ST6GAL2: variants seen among roughly 807,000 people sequenced by gnomAD.
ST6GAL2 encodes the protein beta-galactoside alpha-2,6-sialyltransferase 2.
A neutral mutation model predicts 37.5 loss-of-function variants in ST6GAL2; 24 were observed. The observed-to-expected ratio is 0.64, with a 90% CI of 0.46 to 0.90. ST6GAL2 has a LOEUF of 0.90. Ranked by LOEUF, ST6GAL2 falls within the 40% of genes least tolerant of loss-of-function variation. The pLI is 0.00. For synonymous variants in ST6GAL2, 306 were observed against 295.1 expected, an observed-to-expected ratio of 1.04 and a Z score of -0.38; for missense variants, 715 against 712.7, an observed-to-expected ratio of 1.00 and a Z score of -0.04.
At chr2:106,812,417 A>G (rs1403185375) in intron 5 of ST6GAL2, among the ~76,000 whole-genome samples, 1 of 152,206 alleles carries the variant, frequency 6.6e-6, no homozygotes, top group African/African-American at 2.4e-5. Flanking sequence ...CAGTGTTTCT[A>G]TTTGAAACTG....
chr2:106,872,507 C>CT (rs1678312648), intron 1 of ST6GAL2, among the ~76,000 whole-genome samples: 1 of 152,214 alleles, frequency 6.6e-6, no homozygotes, highest in Non-Finnish European at 1.5e-5. Flanking sequence ...TTAGGCTCTT[C>CT]TTTCCTCACT....
At chr2:106,844,590 C>T (rs1166774024) in intron 1 of ST6GAL2, among the ~76,000 whole-genome samples, 4 of 152,120 alleles carry the variant, frequency 2.6e-5, no homozygotes, top group Non-Finnish European at 5.9e-5. Flanking sequence ...TAGAACATAC[C>T]AGAAGTCCAC....
At chr2:106,886,853 T>C (rs1341178877), upstream of ST6GAL2, 3 of 151,982 alleles carry the variant, frequency 2.0e-5, no homozygotes, top group East Asian at 5.9e-4. Flanking sequence ...GATTTCTGCT[T>C]GTCGCGGAGA....
At chr2:106,811,675 T>G (rs1157151447) in intron 5 of ST6GAL2, among the ~76,000 whole-genome samples, 1 of 152,168 alleles carries the variant, frequency 6.6e-6, no homozygotes, top group Admixed American at 6.5e-5. Context: ...AGATCTCTTC[T>G]GCAATGCCCC....
rs1360069898 is a variant in ST6GAL2 at position 106,851,150 on chromosome 2, A to C, written c.-57-7116T>G. Among the ~76,000 whole-genome samples, 3 of 152,244 alleles carry C rather than the reference A, an allele frequency of 2.0e-5. No homozygotes were observed. In the East Asian group the frequency reaches 5.8e-4, roughly 29 times the overall value. ...TGGCAATGCAAAGGTCTGAATTCCC[A>C]GTGGATGTTCTCTGCCTATTTGGAC... On this transcript the variant is annotated intron_variant, in intron 1 of 5. Transcript: ENST00000409382.
Position 106,801,954 on chromosome 2 carries a change from T to G in ST6GAL2, c.*4724A>C, listed in dbSNP as rs1182813279. 1 of 152,118 alleles carries G rather than the reference T, an allele frequency of 6.6e-6. No homozygotes were observed. Among genetic ancestry groups the G allele is most frequent in the Non-Finnish European group, 1.5e-5 (1 of 68,020 alleles). 9.4% of individuals were successfully genotyped at this position (152,118 alleles called of 1,614,324 possible). On this transcript the variant is annotated 3_prime_UTR_variant, in exon 6 of 6. Coordinates refer to ENST00000409382, the MANE Select transcript of ST6GAL2 (RefSeq NM_001142351.2). ...CCAATCTACCTAGCAAGAAGACTAT[T>G]TTCCATAGAACCAGTAAATGTTTCT...
intron 5 of ST6GAL2, among the ~76,000 whole-genome samples, chr2:106,815,054 C>G (rs754224035): frequency 3.9e-5 from 6 of 152,148 alleles, no homozygotes; most frequent in Non-Finnish European, 5.9e-5. Context: ...AATACATGTG[C>G]AGTCCAATAA....
chr2:106,805,678 T>C lies in ST6GAL2; in HGVS notation c.*1000A>G, dbSNP rs1384431041. On this transcript the variant is annotated 3_prime_UTR_variant, in exon 6 of 6. Coordinates refer to ENST00000409382, the MANE Select transcript of ST6GAL2 (RefSeq NM_001142351.2). ...GATAAAAACCTGCAAGAAACCTGTATAATAAAGACAGGCGTGCATCCCTAG... is the reference window on the plus strand; with the variant it reads ...GATAAAAACCTGCAAGAAACCTGTACAATAAAGACAGGCGTGCATCCCTAG... 1 of 152,200 alleles carries C rather than the reference T, an allele frequency of 6.6e-6. No homozygotes were observed. Among genetic ancestry groups the C allele is most frequent in the African/African-American group, 2.4e-5 (1 of 41,446 alleles). The allele number at this position is 152,200 out of a possible 1,614,324, so 9.4% of individuals were successfully genotyped here.
At chr2:106,837,147 G>A (rs993504017) in intron 2 of ST6GAL2, among the ~76,000 whole-genome samples, 1 of 152,094 alleles carries the variant, frequency 6.6e-6, no homozygotes, top group Non-Finnish European at 1.5e-5. Flanking sequence ...AAATATCCAA[G>A]TCTGAATAAT....
intron 5 of ST6GAL2, among the ~76,000 whole-genome samples, chr2:106,821,462 T>C (rs1044591328): frequency 2.6e-5 from 4 of 151,568 alleles, no homozygotes; most frequent in Non-Finnish European, 4.4e-5. Flanking sequence ...TCTAGTAAGA[T>C]TGAGTTATAA....
chr2:106,807,631 C>T (rs13009516), intron 5 of ST6GAL2, among the ~76,000 whole-genome samples: 6 of 139,034 alleles, frequency 4.3e-5, no homozygotes, highest in East Asian at 2.1e-4. Context: ...ACATTTTATT[C>T]TTTTTTTTTT....
chr2:106,828,123 G>A lies in ST6GAL2; in HGVS notation c.1318+1943C>T, dbSNP rs370914832. ...CTTTTAACAAAAACAACATAGGAAA[G>A]TACTTTTTTTCAGTTATGACTATCT... On this transcript the variant is annotated intron_variant, in intron 5 of 5. Transcript: ENST00000409382. 2.4e-4 allele frequency among the ~76,000 whole-genome samples: 36 copies of A among 152,290 alleles called. No homozygotes were observed. In the South Asian group the frequency reaches 6.2e-3, roughly 26 times the overall value.
chr2:106,831,140 C>T (rs1013408281), intron 4 of ST6GAL2, among the ~76,000 whole-genome samples: 6 of 152,110 alleles, frequency 3.9e-5, no homozygotes, highest in East Asian at 1.9e-4. Flanking sequence ...ATGGCACTGT[C>T]ACTTTAAAAG....
intron 1 of ST6GAL2, among the ~76,000 whole-genome samples, chr2:106,862,924 C>T (rs1182946612): frequency 6.6e-6 from 1 of 151,742 alleles, no homozygotes; most frequent in Non-Finnish European, 1.5e-5. Flanking sequence ...TTCTATTTTT[C>T]CCAACCTAAA....
chr2:106,835,884 T>C (rs1676615491), intron 2 of ST6GAL2, among the ~76,000 whole-genome samples: 2 of 152,256 alleles, frequency 1.3e-5, no homozygotes, highest in African/African-American at 4.8e-5. Context: ...AAGGATTTGT[T>C]CATACTTTAT....
In ST6GAL2 at chr2:106,843,872, C is replaced by T. The variant is rs1677037478; in HGVS notation, c.106G>A (p.Ala36Thr). Reference sequence around the variant, plus strand: ...GAGAGGGAGCTGGGTACAGGCTCAGCGGGGTTGCTGTCGGTGAAGTAGATG... The same window carrying T: ...GAGAGGGAGCTGGGTACAGGCTCAGTGGGGTTGCTGTCGGTGAAGTAGATG... ...IFIYFTDSNPAEPVPSSLSFL... is the reference protein window; with the variant it reads ...IFIYFTDSNPTEPVPSSLSFL... The change falls in exon 2 of 6, where the codon GCT (alanine) becomes ACT (threonine). Residue 36 changes from alanine to threonine, a missense_variant. Ala to Thr is a moderately conservative substitution (Grantham distance 58). Transcript: ENST00000409382. The T allele has an allele frequency of 2.5e-6, 4 of 1,610,056 alleles. No homozygotes were observed. Among genetic ancestry groups the T allele is most frequent in the Non-Finnish European group, 3.4e-6 (4 of 1,179,620 alleles).
chr2:106,834,245 T>C, intron 2 of ST6GAL2, 99 bp from the exon 3 acceptor site: 1 of 763,400 alleles, frequency 1.3e-6, no homozygotes, highest in East Asian at 2.6e-5. Context: ...TGAAGCTAAT[T>C]ATACATCACC....
At chr2:106,848,214 C>G (rs561270731) in intron 1 of ST6GAL2, among the ~76,000 whole-genome samples, 5 of 152,020 alleles carry the variant, frequency 3.3e-5, no homozygotes, top group Admixed American at 3.3e-4. Context: ...GTGATCAGAG[C>G]CCAAGCTGAA....
At chr2:106,830,035 C>A (rs958908469) in intron 5 of ST6GAL2, 31 bp downstream of exon 5, 2 of 1,602,474 alleles carry the variant, frequency 1.2e-6, no homozygotes, top group South Asian at 1.1e-5. Context: ...GTCTGCCCCC[C>A]AATCATTCCA....
Sources: allele counts gnomAD v4.1 joint callset (sites outside exome capture counted in the v4.1 genomes callset), GRCh38; gene constraint gnomAD v4.1.1; transcripts MANE v1.5; gene names NCBI Gene and HGNC (gene_info 2026-07-23, HGNC 2026-07-21).